STPG2: variants seen among roughly 807,000 people sequenced by gnomAD.
STPG2 encodes the protein sperm-tail PG-rich repeat-containing protein 2.
STPG2 carries 56 observed loss-of-function variants against 54.2 expected under a neutral mutation model. The ratio of observed to expected loss-of-function variants is 1.03; its 90% CI spans 0.83 to 1.29. The LOEUF (loss-of-function observed/expected upper bound fraction) is 1.29. STPG2 is among the 50% of genes most tolerant of loss of function. STPG2 has a pLI of 0.00. For synonymous variants in STPG2, 200 were observed against 181.8 expected, an observed-to-expected ratio of 1.10 and a Z score of -0.81; for missense variants, 596 against 544.9, an observed-to-expected ratio of 1.09 and a Z score of -0.93.
At chr4:97,607,460 A>C (rs1733624931) in intron 10 of STPG2, among the ~76,000 whole-genome samples, 1 of 152,224 alleles carries the variant, frequency 6.6e-6, no homozygotes, top group East Asian at 1.9e-4. Context: ...AAGGCATCAC[A>C]GAGGGTGGAA....
intron 9 of STPG2, among the ~76,000 whole-genome samples, chr4:97,724,973 G>A (rs1724569773): frequency 6.6e-6 from 1 of 152,046 alleles, no homozygotes; most frequent in Non-Finnish European, 1.5e-5. Flanking sequence ...AGAAAACACT[G>A]CTCCCAGAAC....
At chr4:97,470,986 G>A (rs999098630) in intron 4 of STPG2, among the ~76,000 whole-genome samples, 1 of 152,084 alleles carries the variant, frequency 6.6e-6, no homozygotes, top group Non-Finnish European at 1.5e-5. Context: ...TCGATGGTTG[G>A]GTATTAGGAG....
At chr4:98,045,766 C>T (rs190018167) in intron 5 of STPG2, among the ~76,000 whole-genome samples, 11 of 152,010 alleles carry the variant, frequency 7.2e-5, no homozygotes, top group Non-Finnish European at 1.6e-4. Flanking sequence ...CTCCCATGTA[C>T]ACAAGTTGCT....
At chr4:97,759,206 G>A (rs894686062) in intron 9 of STPG2, among the ~76,000 whole-genome samples, 15 of 152,140 alleles carry the variant, frequency 9.9e-5, no homozygotes, top group Non-Finnish European at 1.9e-4. Flanking sequence ...GTTAGAGTAT[G>A]TAAGGGCAGT....
At chr4:97,583,408 T>C (rs1732913153) in intron 10 of STPG2, among the ~76,000 whole-genome samples, 1 of 151,970 alleles carries the variant, frequency 6.6e-6, no homozygotes, top group Admixed American at 6.6e-5. Flanking sequence ...GAAATTGAAT[T>C]AACAGAACCT....
intron 5 of STPG2, among the ~76,000 whole-genome samples, chr4:98,094,426 C>T (rs988418976): frequency 3.3e-5 from 5 of 152,006 alleles, no homozygotes; most frequent in African/African-American, 1.2e-4. Flanking sequence ...CCAGCACATT[C>T]CCAGCTGTGG....
chr4:97,852,789 A>G (rs991566960), intron 8 of STPG2, among the ~76,000 whole-genome samples: 5 of 152,046 alleles, frequency 3.3e-5, no homozygotes, highest in Admixed American at 6.6e-5. Flanking sequence ...AGAAAGGAAC[A>G]TTGTCTAGAC....
intron 4 of STPG2, among the ~76,000 whole-genome samples, chr4:97,498,743 T>TA: frequency 6.6e-6 from 1 of 151,714 alleles, no homozygotes; most frequent in South Asian, 2.1e-4. Context: ...ATTGCTTCAT[T>TA]AAAAAAATAA....
At chr4:97,749,350 G>A (rs998720947) in intron 9 of STPG2, among the ~76,000 whole-genome samples, 2 of 151,626 alleles carry the variant, frequency 1.3e-5, no homozygotes, top group South Asian at 2.1e-4. Context: ...ATCACCATAA[G>A]AGTGGCTTCA....
At chr4:98,089,595 T>C (rs984824226) in intron 5 of STPG2, among the ~76,000 whole-genome samples, 1 of 152,124 alleles carries the variant, frequency 6.6e-6, no homozygotes, top group Non-Finnish European at 1.5e-5. Context: ...GATTGAATGG[T>C]AGTTCTACTT....
At chr4:97,926,768 T>G (rs1289809237) in intron 8 of STPG2, among the ~76,000 whole-genome samples, 1 of 152,082 alleles carries the variant, frequency 6.6e-6, no homozygotes, top group Admixed American at 6.5e-5. Flanking sequence ...AATAGAATGA[T>G]GAAAAGAGAC....
chr4:97,741,533 C>T (rs1443488645), intron 9 of STPG2, among the ~76,000 whole-genome samples: 4 of 151,894 alleles, frequency 2.6e-5, no homozygotes, highest in Non-Finnish European at 4.4e-5. Flanking sequence ...AACAAACAAC[C>T]CCATCAAAAA....
intron 10 of STPG2, among the ~76,000 whole-genome samples, chr4:97,565,550 C>A (rs1356681611): frequency 6.6e-6 from 1 of 152,012 alleles, no homozygotes; most frequent in African/African-American, 2.4e-5. Context: ...CTGTTTTTTC[C>A]CCGTCTTTGT....
chr4:97,658,379 G>T (rs1460062459), intron 10 of STPG2, among the ~76,000 whole-genome samples: 1 of 152,160 alleles, frequency 6.6e-6, no homozygotes, highest in East Asian at 1.9e-4. Context: ...GATAAAGCAG[G>T]ATAATTTATG....
intron 9 of STPG2, among the ~76,000 whole-genome samples, chr4:97,833,666 A>T (rs755978637): frequency 2.0e-5 from 3 of 152,154 alleles, no homozygotes; most frequent in Non-Finnish European, 2.9e-5. Context: ...ACAATAAAAA[A>T]AAATAACCCC....
At chr4:97,563,324 C>T (rs1482570778) in intron 10 of STPG2, among the ~76,000 whole-genome samples, 1 of 152,034 alleles carries the variant, frequency 6.6e-6, no homozygotes, top group Non-Finnish European at 1.5e-5. Flanking sequence ...CTATTTGATT[C>T]TTCTGTCTTT....
At chr4:97,466,867 C>T (rs1202744247) in intron 4 of STPG2, among the ~76,000 whole-genome samples, 6 of 151,972 alleles carry the variant, frequency 3.9e-5, no homozygotes, top group African/African-American at 9.7e-5. Context: ...ATATATCATG[C>T]ATTCAAGTGT....
At chr4:97,588,652 G>A (rs966629443) in intron 10 of STPG2, among the ~76,000 whole-genome samples, 3 of 151,984 alleles carry the variant, frequency 2.0e-5, no homozygotes, top group Non-Finnish European at 4.4e-5. Context: ...CACGATTTCT[G>A]AAAAATAATT....
intron 8 of STPG2, among the ~76,000 whole-genome samples, chr4:97,885,999 G>A (rs1730552842): frequency 6.6e-6 from 1 of 152,162 alleles, no homozygotes; most frequent in Non-Finnish European, 1.5e-5. Flanking sequence ...AAATGACCAA[G>A]TGTTCAAGGT....
Sources: gnomAD v4.1 joint callset for allele counts (sites outside exome capture counted in the v4.1 genomes callset) on GRCh38, gnomAD v4.1.1 for gene constraint, MANE v1.5 for transcripts, NCBI Gene and HGNC (gene_info 2026-07-23, HGNC 2026-07-21) for gene names.